The following ZDHHC6 variants were observed in gnomAD, a reference collection of about 807,000 sequenced individuals.
ZDHHC6 encodes the protein palmitoyltransferase ZDHHC6.
In ZDHHC6, 32 loss-of-function variants were observed where a neutral mutation model predicts 57.8. The observed-to-expected ratio is 0.55, with a 90% CI of 0.42 to 0.74. The LOEUF (loss-of-function observed/expected upper bound fraction) is 0.74, where lower values mean the gene tolerates loss of function less well. Ranked by LOEUF, ZDHHC6 falls within the 30% of genes least tolerant of loss-of-function variation. The pLI, the probability that ZDHHC6 is intolerant of heterozygous loss-of-function variation, is 0.00. For synonymous variants in ZDHHC6, 128 were observed against 158.0 expected (o/e 0.81, Z 1.42); for missense variants, 433 against 500.7 (o/e 0.86, Z 1.29).
chr10:112,443,160 C>T (rs1431850464), intron 3 of ZDHHC6, among the ~76,000 whole-genome samples: 2 of 152,172 alleles, frequency 1.3e-5, no homozygotes, highest in African/African-American at 4.8e-5. Flanking sequence ...AATTTAGACT[C>T]AGAACAATTC....
intron 6 of ZDHHC6, among the ~76,000 whole-genome samples, chr10:112,435,070 C>T (rs561171820): frequency 3.9e-5 from 6 of 152,266 alleles, no homozygotes; most frequent in Admixed American, 2.0e-4. Flanking sequence ...TACTATCACA[C>T]ATGTACACAT....
downstream of ZDHHC6, chr10:112,427,124 C>G (rs2133697985): frequency 1.5e-6 from 2 of 1,314,274 alleles, no homozygotes; most frequent in Non-Finnish European, 1.0e-6. Flanking sequence ...CCTTTCACTG[C>G]ATCAACCTCA....
At chr10:112,447,360 G>A (rs775988341), upstream of ZDHHC6, 1 of 1,611,766 alleles carries the variant, frequency 6.2e-7, no homozygotes, top group Admixed American at 1.7e-5. Flanking sequence ...TGGGCTACTC[G>A]TTCCGGAGCC....
rs939772323 is a variant in ZDHHC6 at position 112,446,909 on chromosome 10, G to A, written c.-419C>T. ...ACCTCTCGGCCAGCGCCCTCGCCAG[G>A]ACTCTCCCGCTCAGGCCCCCTGCGC... On this transcript the variant is annotated 5_prime_UTR_variant, in exon 1 of 11. Coordinates refer to ENST00000369405, the MANE Select transcript of ZDHHC6 (RefSeq NM_022494.3). The A allele has an allele frequency of 1.5e-5, 3 of 199,124 alleles. No individual in the cohort carries two copies. The highest frequency in any genetic ancestry group is 1.1e-4 in the Admixed American group (2 of 18,456). 12.3% of individuals were successfully genotyped at this position (199,124 alleles called of 1,614,324 possible). A position where few individuals can be genotyped will look rare whatever the true frequency, so the allele number is the denominator to read the frequency against.
rs527934061 is a variant in ZDHHC6 at position 112,438,451 on chromosome 10, T to C, written c.682-62A>G. 86 of 1,201,790 alleles carry C rather than the reference T, an allele frequency of 7.2e-5. No homozygotes were observed. In the East Asian group the frequency reaches 1.8e-3, roughly 25 times the overall value. 74.4% of individuals were successfully genotyped at this position (1,201,790 alleles called of 1,614,324 possible). On this transcript the variant is annotated intron_variant, in intron 5 of 10. Transcript: ENST00000369405. ...CCTTGGTTCCTTTAAGATTATCATA[T>C]TCATAATTCTCTGAGATAGCTTTTA...
At chr10:112,445,004 T>TATGA (rs1274679343) in intron 2 of ZDHHC6, among the ~76,000 whole-genome samples, 166 bp downstream of exon 2, 2 of 152,144 alleles carry the variant, frequency 1.3e-5, no homozygotes, top group Non-Finnish European at 2.9e-5. Flanking sequence ...TTCAAACAGA[T>TATGA]ATGAAATAAA....
At chr10:112,443,437 C>T in intron 3 of ZDHHC6, 78 bp downstream of exon 3, 1 of 1,250,532 alleles carries the variant, frequency 8.0e-7, no homozygotes, top group South Asian at 1.3e-5. Flanking sequence ...AGAAGTAGCA[C>T]TAATGTAGTA....
At chr10:112,447,354 C>G (rs780604794), upstream of ZDHHC6, 15 of 1,610,676 alleles carry the variant, frequency 9.3e-6, no homozygotes, top group East Asian at 3.1e-4. Flanking sequence ...TTGGCCTGGG[C>G]TACTCGTTCC....
chr10:112,438,234 C>T (rs1331416615), intron 6 of ZDHHC6, 102 bp downstream of exon 6: 24 of 867,772 alleles, frequency 2.8e-5, no homozygotes, highest in African/African-American at 2.1e-4. Context: ...AGGCACTTTT[C>T]GTTAATCCGG....
chr10:112,445,740 T>C, intron 1 of ZDHHC6, 90 bp from the exon 2 acceptor site: 1 of 471,654 alleles, frequency 2.1e-6, no homozygotes, highest in East Asian at 3.0e-5. Context: ...AATAAACACC[T>C]ACACAACAGC....
In ZDHHC6 at chr10:112,434,466, T is replaced by C; in HGVS notation, c.736-2A>G. On this transcript the variant is annotated splice_acceptor_variant, in intron 6 of 10. Transcript: ENST00000369405. LOFTEE classifies it high-confidence loss of function. ...ATAATACTGAATTCGATCTTTAGCC[T>C]GTGGGTAACAAAGATATAAGATGGC... The C allele has an allele frequency of 1.9e-6, 3 of 1,609,640 alleles. No homozygotes were observed. Among genetic ancestry groups the C allele is most frequent in the Non-Finnish European group, 2.5e-6 (3 of 1,177,784 alleles).
At chr10:112,434,199 ATTAC>A in intron 7 of ZDHHC6, 94 bp downstream of exon 7, 1 of 1,211,302 alleles carries the variant, frequency 8.3e-7, no homozygotes, top group Non-Finnish European at 1.1e-6. Context: ...AAACATTCAT[ATTAC>A]TTATTTTACT....
upstream of ZDHHC6, chr10:112,447,264 T>G: frequency 8.4e-7 from 1 of 1,185,510 alleles, no homozygotes; most frequent in Non-Finnish European, 1.2e-6. Flanking sequence ...TTCTCCGTTC[T>G]GCTCTCGGGG....
At chr10:112,447,267 T>C, upstream of ZDHHC6, 14 of 1,236,426 alleles carry the variant, frequency 1.1e-5, no homozygotes, top group Non-Finnish European at 1.5e-5. Context: ...TCCGTTCTGC[T>C]CTCGGGGGCA....
chr10:112,429,996 C>T (rs1844892925), downstream of ZDHHC6, among the ~76,000 whole-genome samples: 1 of 152,054 alleles, frequency 6.6e-6, no homozygotes, highest in Non-Finnish European at 1.5e-5. Context: ...GGTATTTCCC[C>T]TCGGCCCCCT....
intron 2 of ZDHHC6, among the ~76,000 whole-genome samples, 192 bp downstream of exon 2, chr10:112,444,978 A>G (rs1846498215): frequency 6.6e-6 from 1 of 152,094 alleles, no homozygotes; most frequent in African/African-American, 2.4e-5. Context: ...GGAAAATGCT[A>G]TTTTGGATCA....
intron 10 of ZDHHC6, 63 bp downstream of exon 10, chr10:112,432,177 T>C: frequency 6.7e-7 from 1 of 1,501,310 alleles, no homozygotes; most frequent in South Asian, 1.3e-5. Flanking sequence ...AAAGTTATTC[T>C]TGTAAAATTT....
In ZDHHC6 at chr10:112,442,175, T is replaced by G. The variant is rs1203480264; in HGVS notation, c.519+17A>C. On this transcript the variant is annotated intron_variant, in intron 4 of 10. Transcript: ENST00000369405. ...GCATGGATGATTTTATAACAAAACA[T>G]TTTCATTTTCACTTACCCGATGATA... 3.8e-6 allele frequency: 6 copies of G among 1,589,978 alleles called. No individual in the cohort carries two copies. The highest frequency in any genetic ancestry group is 1.7e-4 in the Middle Eastern group (1 of 5,926).
downstream of ZDHHC6, among the ~76,000 whole-genome samples, chr10:112,429,534 G>A (rs1385728021): frequency 6.6e-6 from 1 of 152,066 alleles, no homozygotes; most frequent in Middle Eastern, 3.2e-3. Flanking sequence ...ACTATTACAG[G>A]CCTGGCCCCC....
Sources: gnomAD v4.1 joint callset for allele counts (sites outside exome capture counted in the v4.1 genomes callset) on GRCh38, gnomAD v4.1.1 for gene constraint, MANE v1.5 for transcripts, NCBI Gene and HGNC (gene_info 2026-07-23, HGNC 2026-07-21) for gene names.